HOOK3: variants seen among roughly 807,000 people sequenced by gnomAD.
The protein encoded by HOOK3 is hook microtubule tethering protein 3, also known as protein Hook homolog 3.
In HOOK3, 24 loss-of-function variants were observed where a neutral mutation model predicts 116.3. The ratio of observed to expected loss-of-function variants is 0.21; its 90% CI spans 0.15 to 0.29. The LOEUF (loss-of-function observed/expected upper bound fraction) is 0.29, where lower values mean the gene tolerates loss of function less well. Ranked by LOEUF, HOOK3 falls within the 10% of genes least tolerant of loss-of-function variation. HOOK3 has a pLI of 1.00. For missense variants in HOOK3, 632 were observed against 830.2 expected (o/e 0.76, Z 2.93); for synonymous variants, 275 against 283.0 (o/e 0.97, Z 0.28).
Position 42,978,247 on chromosome 8 carries a change from A to G in HOOK3, c.1321+4053A>G, listed in dbSNP as rs1808865572. Reference sequence around the variant, plus strand: ...TTTCTTAAGAAGATATCAGATAACCATTTTCTTTTTTTGAGATGGAGTTTC... The same window carrying G: ...TTTCTTAAGAAGATATCAGATAACCGTTTTCTTTTTTTGAGATGGAGTTTC... On this transcript the variant is annotated intron_variant, in intron 13 of 21. Transcript: ENST00000307602. Among the ~76,000 whole-genome samples the G allele has an allele frequency of 7.9e-5, 12 of 151,934 alleles. 1 individual carries two copies. In the South Asian group the frequency reaches 2.5e-3, roughly 32 times the overall value.
intron 2 of HOOK3, among the ~76,000 whole-genome samples, chr8:42,919,724 C>T (rs1429381825): frequency 6.6e-6 from 1 of 152,202 alleles, no homozygotes; most frequent in African/African-American, 2.4e-5. Flanking sequence ...GCAGATCACT[C>T]GCGGTCAGGA....
At chr8:42,924,327 CCCTT>C (rs1807721201) in intron 2 of HOOK3, among the ~76,000 whole-genome samples, 1 of 148,754 alleles carries the variant, frequency 6.7e-6, no homozygotes, top group African/African-American at 2.5e-5. Flanking sequence ...CTCCCTCCCT[CCCTT>C]CCTCCCTTCC....
intron 8 of HOOK3, among the ~76,000 whole-genome samples, chr8:42,963,231 T>G (rs1808569661): frequency 6.6e-6 from 1 of 152,316 alleles, no homozygotes; most frequent in East Asian, 1.9e-4. Flanking sequence ...ATTTTTGGAT[T>G]TGGGGATATT....
intron 6 of HOOK3, among the ~76,000 whole-genome samples, chr8:42,956,639 C>T (rs1304943423): frequency 1.3e-5 from 2 of 152,176 alleles, no homozygotes; most frequent in Non-Finnish European, 2.9e-5. Context: ...GACTAGAGTG[C>T]AATGGCACCA....
chr8:42,965,231 A>T (rs1808611296), intron 9 of HOOK3, among the ~76,000 whole-genome samples: 1 of 152,272 alleles, frequency 6.6e-6, no homozygotes, highest in East Asian at 1.9e-4. Flanking sequence ...GGATTTCAAA[A>T]TAAGCACATC....
intron 4 of HOOK3, among the ~76,000 whole-genome samples, chr8:42,936,097 G>A (rs1807964469): frequency 1.3e-5 from 2 of 152,136 alleles, no homozygotes; most frequent in African/African-American, 4.8e-5. Context: ...TCCTTGAAGA[G>A]GTCCTTCACA....
Position 42,991,394 on chromosome 8 carries a change from C to CTT in HOOK3, c.1532+4617_1532+4618dup, listed in dbSNP as rs564333836. Among the ~76,000 whole-genome samples the CTT allele has an allele frequency of 1.0e-4, 13 of 129,624 alleles. No individual in the cohort carries two copies. The South Asian group carries it at 1.0e-3, about 10-fold the overall frequency. The allele number at this position is 129,624 out of a possible 152,430, so 85.0% of individuals were successfully genotyped here. On this transcript the variant is annotated intron_variant, in intron 15 of 21. Coordinates refer to ENST00000307602, the MANE Select transcript of HOOK3 (RefSeq NM_032410.4). ...ATAGATAGCTTTGGATAGTATGGAC[C>CTT]TTTTTTTTTTTTTTTTTTTCCTTTT...
rs5891200 is a variant in HOOK3 at position 43,013,312 on chromosome 8, C to CT, written c.1945-3dup. The CT allele has an allele frequency of 1.7e-3, 2,033 of 1,197,996 alleles. No individual in the cohort carries two copies. The highest frequency in any genetic ancestry group is 2.0e-3 in the Non-Finnish European group (1,757 of 883,140). The allele number at this position is 1,197,996 out of a possible 1,614,324, so 74.2% of individuals were successfully genotyped here. A position where few individuals can be genotyped will look rare whatever the true frequency, so the allele number is the denominator to read the frequency against. On this transcript the variant is annotated splice_polypyrimidine_tract_variant and intron_variant, in intron 20 of 21. Transcript: ENST00000307602. ...TTATATCTTTACATATTTACATGTG[C>CT]TTTTTTTTTTTTTTAGAAAGAATAT...
intron 5 of HOOK3, among the ~76,000 whole-genome samples, chr8:42,945,025 T>G (rs1295715179): frequency 6.6e-6 from 1 of 152,190 alleles, no homozygotes; most frequent in African/African-American, 2.4e-5. Flanking sequence ...ATTAAGAGCA[T>G]GAGCTGCAGT....
At chr8:42,958,026 G>C (rs2040637870) in intron 7 of HOOK3, among the ~76,000 whole-genome samples, 1 of 152,008 alleles carries the variant, frequency 6.6e-6, no homozygotes, top group Admixed American at 6.6e-5. Context: ...TAGAGACGGG[G>C]TTTCACCATG....
At position 43,023,387 on chromosome 8, in the gene HOOK3, CTCCT is replaced by C. The variant is rs146546928; in HGVS notation, c.*4921_*4924del. On this transcript the variant is annotated 3_prime_UTR_variant, in exon 22 of 22. Coordinates refer to ENST00000307602, the MANE Select transcript of HOOK3 (RefSeq NM_032410.4). ...CCACTTTGCTATCTCTCCTTCCTTC[CTCCT>C]TCCTTCCTTCCTTCCTTCCTTCCTT... 0.082 allele frequency: 12,044 copies of C among 146,198 alleles called. 592 individuals carry two copies. Among genetic ancestry groups the C allele is most frequent in the Middle Eastern group, 0.12 (38 of 308 alleles). 9.1% of individuals were successfully genotyped at this position (146,198 alleles called of 1,614,324 possible).
At position 43,018,773 on chromosome 8, in the gene HOOK3, T is replaced by G. The variant is rs1281756441; in HGVS notation, c.*275T>G. 3.2e-6 allele frequency: 1 copy of G among 312,904 alleles called. No individual in the cohort carries two copies. Among genetic ancestry groups the G allele is most frequent in the African/African-American group, 2.1e-5 (1 of 47,296 alleles). 19.4% of individuals were successfully genotyped at this position (312,904 alleles called of 1,614,324 possible). A position where few individuals can be genotyped will look rare whatever the true frequency, so the allele number is the denominator to read the frequency against. On this transcript the variant is annotated 3_prime_UTR_variant, in exon 22 of 22. Transcript: ENST00000307602. ...TAATAGTGTAATACTTTTCTTTGTA[T>G]GAAAATGTCCTCTTCTTCAAAGGTA...
intron 2 of HOOK3, among the ~76,000 whole-genome samples, chr8:42,907,716 G>GTA (rs976753403): frequency 9.9e-5 from 14 of 140,954 alleles, no homozygotes; most frequent in Admixed American, 3.7e-4. Context: ...AAGAAAGAAA[G>GTA]TATATATATA....
chr8:42,987,007 C>G (rs1809060879), intron 15 of HOOK3, among the ~76,000 whole-genome samples: 1 of 151,966 alleles, frequency 6.6e-6, no homozygotes, highest in Admixed American at 6.6e-5. Context: ...CAAAAAAATG[C>G]AAAAATTAGC....
rs1028139607 is a variant in HOOK3 at position 43,028,146 on chromosome 8, C to A, written c.*9648C>A. Reference sequence around the variant, plus strand: ...CAAGTGATAAAATCATTTTATAAATCATTTCTTAATATCTTCAGTGTTTTT... The same window carrying A: ...CAAGTGATAAAATCATTTTATAAATAATTTCTTAATATCTTCAGTGTTTTT... On this transcript the variant is annotated 3_prime_UTR_variant, in exon 22 of 22. Coordinates refer to ENST00000307602, the MANE Select transcript of HOOK3 (RefSeq NM_032410.4). The A allele has an allele frequency of 5.4e-6, 1 of 185,270 alleles. No homozygotes were observed. The highest frequency in any genetic ancestry group is 1.1e-5 in the Non-Finnish European group (1 of 87,636). 11.5% of individuals were successfully genotyped at this position (185,270 alleles called of 1,614,324 possible). A position where few individuals can be genotyped will look rare whatever the true frequency, so the allele number is the denominator to read the frequency against.
At chr8:42,949,494 T>G (rs1445940810) in intron 5 of HOOK3, 1 of 152,196 alleles carries the variant, frequency 6.6e-6, no homozygotes, top group Non-Finnish European at 1.5e-5. Context: ...TTTAGACCAG[T>G]CAATAATTAT....
At chr8:42,975,556 A>C (rs202116717) in intron 13 of HOOK3, among the ~76,000 whole-genome samples, 1 of 152,208 alleles carries the variant, frequency 6.6e-6, no homozygotes, top group African/African-American at 2.4e-5. Context: ...AAGACACGGG[A>C]TGAGTCAAGA....
In HOOK3 at chr8:43,025,199, T is replaced by C. The variant is rs993467342; in HGVS notation, c.*6701T>C. The C allele has an allele frequency of 2.4e-5, 5 of 204,760 alleles. No individual in the cohort carries two copies. The highest frequency in any genetic ancestry group is 9.1e-5 in the African/African-American group (4 of 43,786). 12.7% of individuals were successfully genotyped at this position (204,760 alleles called of 1,614,324 possible). On this transcript the variant is annotated 3_prime_UTR_variant, in exon 22 of 22. Transcript: ENST00000307602. ...AATGTTTTCCTATGATAGATAAATA[T>C]ATAGATATAGATCAGGAATTACTTG...
At chr8:42,966,749 T>G in intron 10 of HOOK3, 136 bp downstream of exon 10, 1 of 801,206 alleles carries the variant, frequency 1.2e-6, no homozygotes, top group Non-Finnish European at 1.9e-6. Flanking sequence ...GCAACCTCTG[T>G]ATGGCTGTTT....
Sources: allele counts gnomAD v4.1 joint callset (sites outside exome capture counted in the v4.1 genomes callset), GRCh38; gene constraint gnomAD v4.1.1; transcripts MANE v1.5; gene names NCBI Gene and HGNC (gene_info 2026-07-23, HGNC 2026-07-21).